GABRG1: variants seen among roughly 807,000 people sequenced by gnomAD.
The protein encoded by GABRG1 is gamma-aminobutyric acid receptor subunit gamma-1.
Under a neutral mutation model 49.8 loss-of-function variants are expected in GABRG1, and 49 were observed. That is an observed-to-expected ratio of 0.98 (90% CI 0.78 to 1.25). The LOEUF (loss-of-function observed/expected upper bound fraction) is 1.25, where lower values mean the gene tolerates loss of function less well. Among genes scored for constraint, GABRG1 ranks in the 50% most tolerant of loss-of-function variants. The pLI is 0.00. For synonymous variants in GABRG1, 232 were observed against 185.1 expected (o/e 1.25, Z -2.06); for missense variants, 552 against 552.3 (o/e 1.00, Z 0.01).
rs754029284 is a variant in GABRG1 at position 46,051,660 on chromosome 4, C to T, written c.917-22G>A. 9.0e-6 allele frequency: 13 copies of T among 1,438,836 alleles called. No individual in the cohort carries two copies. In the South Asian group the frequency reaches 1.1e-4, roughly 12 times the overall value. The allele number at this position is 1,438,836 out of a possible 1,614,324, so 89.1% of individuals were successfully genotyped here. A position where few individuals can be genotyped will look rare whatever the true frequency, so the allele number is the denominator to read the frequency against. On this transcript the variant is annotated intron_variant, in intron 7 of 8. Coordinates refer to ENST00000295452, the MANE Select transcript of GABRG1 (RefSeq NM_173536.4). The stretch of plus-strand genomic sequence containing the variant: ...ATACCTATAGAGAGAGGAAACAAAA[C>T]AGGAAATGAAAATTAATAGACCACA...
chr4:46,087,210 A>G (rs1719801785), intron 2 of GABRG1, among the ~76,000 whole-genome samples: 1 of 151,382 alleles, frequency 6.6e-6, no homozygotes, highest in African/African-American at 2.4e-5. Context: ...TCTTTCTTCT[A>G]TATGTGGTGA....
intron 1 of GABRG1, among the ~76,000 whole-genome samples, chr4:46,123,468 G>T (rs1287578643): frequency 1.3e-5 from 2 of 152,006 alleles, no homozygotes; most frequent in Admixed American, 6.6e-5. Flanking sequence ...CATCCAGAAA[G>T]TTCTTCGGTG....
intron 3 of GABRG1, among the ~76,000 whole-genome samples, chr4:46,080,051 A>C (rs1186176365): frequency 6.6e-6 from 1 of 151,872 alleles, no homozygotes; most frequent in East Asian, 1.9e-4. Context: ...TCTGTTACTC[A>C]TTTTGACTGT....
intron 2 of GABRG1, among the ~76,000 whole-genome samples, chr4:46,094,491 A>G (rs185940741): frequency 6.6e-6 from 1 of 152,124 alleles, no homozygotes; most frequent in Admixed American, 6.6e-5. Flanking sequence ...AAGTATTTAA[A>G]CATGTATTTG....
At chr4:46,116,902 C>T (rs1053907151) in intron 1 of GABRG1, among the ~76,000 whole-genome samples, 16 of 150,596 alleles carry the variant, frequency 1.1e-4, no homozygotes, top group African/African-American at 3.6e-4. Flanking sequence ...AAATATGGCT[C>T]TTTTCTGGAA....
chr4:46,091,129 C>G (rs1004200261), intron 2 of GABRG1, among the ~76,000 whole-genome samples: 1 of 152,004 alleles, frequency 6.6e-6, no homozygotes. Flanking sequence ...GAGAGTTGAG[C>G]TATTTTAGGG....
At chr4:46,108,671 T>A (rs1158573303) in intron 1 of GABRG1, among the ~76,000 whole-genome samples, 1 of 150,858 alleles carries the variant, frequency 6.6e-6, no homozygotes, top group African/African-American at 2.4e-5. Context: ...AGAGAAGTGA[T>A]GGGCACTAAG....
chr4:46,057,726 C>T (rs1375334028), intron 7 of GABRG1, among the ~76,000 whole-genome samples: 2 of 152,040 alleles, frequency 1.3e-5, no homozygotes, highest in African/African-American at 4.8e-5. Flanking sequence ...CCACAGAAGC[C>T]AGGGAGCGTC....
chr4:46,096,458 A>T (rs982940482), intron 2 of GABRG1, among the ~76,000 whole-genome samples: 1 of 151,552 alleles, frequency 6.6e-6, no homozygotes. Context: ...CACTGCCCAT[A>T]TAGATACATA....
At position 46,040,729 on chromosome 4, in the gene GABRG1, T is replaced by C. The variant is rs979190215; in HGVS notation, c.*259A>G. ...AAAAATTCAAAATTATAATAACATA[T>C]AAGTAAATTAAAGAAAATTTAAGTA... On this transcript the variant is annotated 3_prime_UTR_variant, in exon 9 of 9. Coordinates refer to ENST00000295452, the MANE Select transcript of GABRG1 (RefSeq NM_173536.4). 3.7e-6 allele frequency: 1 copy of C among 266,950 alleles called. No homozygotes were observed. Among genetic ancestry groups the C allele is most frequent in the Non-Finnish European group, 7.0e-6 (1 of 143,772 alleles). 16.5% of individuals were successfully genotyped at this position (266,950 alleles called of 1,614,324 possible). A position where few individuals can be genotyped will look rare whatever the true frequency, so the allele number is the denominator to read the frequency against.
intron 1 of GABRG1, among the ~76,000 whole-genome samples, chr4:46,103,901 T>C (rs1720457553): frequency 6.6e-6 from 1 of 151,336 alleles, no homozygotes; most frequent in African/African-American, 2.4e-5. Flanking sequence ...TATTTTTATA[T>C]AGCAATCAGG....
At chr4:46,095,448 T>C (rs1006616862) in intron 2 of GABRG1, among the ~76,000 whole-genome samples, 1 of 151,672 alleles carries the variant, frequency 6.6e-6, no homozygotes, top group African/African-American at 2.4e-5. Flanking sequence ...GAAAAACGGC[T>C]ACCCAAATTG....
chr4:46,095,224 G>T (rs1720128658), intron 2 of GABRG1, among the ~76,000 whole-genome samples: 1 of 151,742 alleles, frequency 6.6e-6, no homozygotes, highest in Non-Finnish European at 1.5e-5. Context: ...AGAGAAGTCA[G>T]AAAGTCAGAG....
intron 5 of GABRG1, 103 bp from the exon 6 acceptor site, chr4:46,058,725 A>G: frequency 1.3e-6 from 1 of 799,954 alleles, no homozygotes; most frequent in Admixed American, 2.7e-5. Flanking sequence ...CTCTTTTTTT[A>G]TTACAAGATA....
chr4:46,118,598 T>C (rs2109447378), intron 1 of GABRG1, among the ~76,000 whole-genome samples: 1 of 151,242 alleles, frequency 6.6e-6, no homozygotes. Flanking sequence ...GGCAATGACT[T>C]TGTCTTATTT....
In GABRG1 at chr4:46,040,806, G is replaced by A. The variant is rs536446195; in HGVS notation, c.*182C>T. 1.5e-4 allele frequency: 79 copies of A among 524,948 alleles called. No homozygotes were observed. The highest frequency in any genetic ancestry group is 4.8e-4 in the South Asian group (12 of 25,142). 32.5% of individuals were successfully genotyped at this position (524,948 alleles called of 1,614,324 possible). On this transcript the variant is annotated 3_prime_UTR_variant, in exon 9 of 9. Transcript: ENST00000295452. ...GGATTTTGCAACTAATCAGTTTCAC[G>A]TAAATTAGCCTGAAAGCTGCTACTT...
intron 3 of GABRG1, among the ~76,000 whole-genome samples, chr4:46,081,834 T>C (rs933803936): frequency 4.6e-5 from 7 of 151,708 alleles, no homozygotes; most frequent in African/African-American, 7.3e-5. Flanking sequence ...AAGAGAAACG[T>C]TGGATACAAA....
intron 3 of GABRG1, among the ~76,000 whole-genome samples, chr4:46,077,211 T>C (rs955898454): frequency 5.3e-5 from 8 of 151,230 alleles, no homozygotes; most frequent in Non-Finnish European, 8.8e-5. Flanking sequence ...AATGACAAGT[T>C]AATGGGTGCA....
At chr4:46,073,082 T>A (rs1427848272) in intron 3 of GABRG1, among the ~76,000 whole-genome samples, 1 of 151,978 alleles carries the variant, frequency 6.6e-6, no homozygotes, top group Admixed American at 6.6e-5. Flanking sequence ...TCCAAAAACA[T>A]GCCTACTATT....
Sources: allele counts gnomAD v4.1 joint callset (sites outside exome capture counted in the v4.1 genomes callset), GRCh38; gene constraint gnomAD v4.1.1; transcripts MANE v1.5; gene names NCBI Gene and HGNC (gene_info 2026-07-23, HGNC 2026-07-21).